Variants in THADA observed in about 807,000 individuals in gnomAD.
The protein encoded by THADA is THADA armadillo repeat containing.
A neutral mutation model predicts 219.8 loss-of-function variants in THADA; 213 were observed. That is an observed-to-expected ratio of 0.97 (90% CI 0.87 to 1.09). The LOEUF (loss-of-function observed/expected upper bound fraction) is 1.09, where lower values mean the gene tolerates loss of function less well. THADA is among the 50% of genes least tolerant of loss of function. The probability of loss-of-function intolerance (pLI) is 0.00; values close to 1 mark genes in which losing one functional copy is unlikely to be tolerated. For missense variants in THADA, 2,956 were observed against 2,311.3 expected (o/e 1.28, Z -5.72); for synonymous variants, 1,018 against 828.9 (o/e 1.23, Z -3.92).
At chr2:43,485,376 C>T in intron 25 of THADA, 51 bp from the exon 26 acceptor site, 1 of 1,313,044 alleles carries the variant, frequency 7.6e-7, no homozygotes, top group Non-Finnish European at 1.1e-6. Flanking sequence ...TGGCATGAAA[C>T]CAACGTTTAC....
Position 43,351,347 on chromosome 2 carries a change from C to T in THADA, c.4228-7110G>A, listed in dbSNP as rs142206631. ...TGGCCACAAAGAACAATTTCCCATT[C>T]GTAACAACTTACAAATGCTTTCCTG... On this transcript the variant is annotated intron_variant, in intron 29 of 37. Coordinates refer to ENST00000405975, the MANE Select transcript of THADA (RefSeq NM_022065.5). Among the ~76,000 whole-genome samples, 7 of 152,244 alleles carry T rather than the reference C, an allele frequency of 4.6e-5. No individual in the cohort carries two copies. The South Asian group carries it at 1.0e-3, about 23-fold the overall frequency.
In THADA at chr2:43,232,808, G is replaced by C. The variant is rs755836383; in HGVS notation, c.5371C>G (p.Gln1791Glu). The change falls in exon 37 of 38, where the codon CAG becomes GAG. Residue 1791 changes from glutamine to glutamate, a missense_variant. Coordinates refer to ENST00000405975, the MANE Select transcript of THADA (RefSeq NM_022065.5). Reference sequence around the variant, plus strand: ...AGTCCAGGGGCCAACTGGTCCCACTGCTGGAGCAGATCACACAGGACGGCC... The same window carrying C: ...AGTCCAGGGGCCAACTGGTCCCACTCCTGGAGCAGATCACACAGGACGGCC... ...ALAVLCDLLQ[Q>E]WDQLAPGLPI... The C allele has an allele frequency of 1.9e-6, 3 of 1,613,318 alleles. No homozygotes were observed. In the South Asian group the frequency reaches 3.3e-5, roughly 18 times the overall value.
At chr2:43,373,383 A>G (rs1671021428) in intron 29 of THADA, among the ~76,000 whole-genome samples, 1 of 152,220 alleles carries the variant, frequency 6.6e-6, no homozygotes, top group Non-Finnish European at 1.5e-5. Context: ...TTGGCATCCA[A>G]TAATTTCTAT....
intron 36 of THADA, among the ~76,000 whole-genome samples, chr2:43,255,853 C>T (rs536996850): frequency 6.6e-6 from 1 of 152,278 alleles, no homozygotes; most frequent in South Asian, 2.1e-4. Context: ...TCATTCCCAT[C>T]AAAGGTGAGA....
At chr2:43,365,849 T>TA (rs1170585456) in intron 29 of THADA, among the ~76,000 whole-genome samples, 1 of 152,046 alleles carries the variant, frequency 6.6e-6, no homozygotes, top group African/African-American at 2.4e-5. Context: ...GGGGTAAAAT[T>TA]AAGAGTTTAT....
intron 31 of THADA, among the ~76,000 whole-genome samples, chr2:43,305,082 G>A (rs1335398167): frequency 1.3e-5 from 2 of 152,130 alleles, no homozygotes; most frequent in Non-Finnish European, 2.9e-5. Context: ...TATCTGAAAT[G>A]GTGGATAAAC....
intron 31 of THADA, among the ~76,000 whole-genome samples, chr2:43,295,608 G>A (rs372995850): frequency 6.6e-6 from 1 of 152,096 alleles, no homozygotes; most frequent in Non-Finnish European, 1.5e-5. Context: ...TAAGTGATAC[G>A]CATTTATAGC....
At chr2:43,255,893 C>T (rs1451421343) in intron 36 of THADA, among the ~76,000 whole-genome samples, 2 of 152,194 alleles carry the variant, frequency 1.3e-5, no homozygotes, top group Non-Finnish European at 1.5e-5. Context: ...TGGGCAACTA[C>T]AGCCATTTGA....
chr2:43,307,225 C>T (rs1676966142), intron 31 of THADA, among the ~76,000 whole-genome samples: 1 of 152,208 alleles, frequency 6.6e-6, no homozygotes, highest in South Asian at 2.1e-4. Context: ...TTCTAAGCCC[C>T]AGTACAGAGA....
At position 43,466,369 on chromosome 2, in the gene THADA, G is replaced by C. The variant is rs538921100; in HGVS notation, c.3836+18865C>G. Among the ~76,000 whole-genome samples the C allele has an allele frequency of 2.6e-5, 4 of 152,170 alleles. No homozygotes were observed. In the South Asian group the frequency reaches 8.3e-4, roughly 32 times the overall value. ...TTGCCCCTACAGTTTTCTTCACTTG[G>C]TTAACTTCTACTCATCCTTCAAGCT... On this transcript the variant is annotated intron_variant, in intron 26 of 37. Transcript: ENST00000405975.
chr2:43,567,625 T>G (rs571953422), intron 14 of THADA, among the ~76,000 whole-genome samples: 1 of 152,024 alleles, frequency 6.6e-6, no homozygotes, highest in Non-Finnish European at 1.5e-5. Flanking sequence ...AAACTCCCTC[T>G]GAAAAAAAAC....
intron 17 of THADA, among the ~76,000 whole-genome samples, chr2:43,552,561 C>T (rs1447266488): frequency 6.6e-6 from 1 of 152,144 alleles, no homozygotes; most frequent in Non-Finnish European, 1.5e-5. Flanking sequence ...ACAGCATTCA[C>T]TCTTAGTCCT....
At chr2:43,517,880 A>T (rs973678069) in intron 22 of THADA, among the ~76,000 whole-genome samples, 2 of 152,196 alleles carry the variant, frequency 1.3e-5, no homozygotes, top group Middle Eastern at 3.2e-3. Flanking sequence ...GGACAATCTC[A>T]TTAAACTTTA....
At chr2:43,349,883 A>AGAT (rs1267775421) in intron 29 of THADA, among the ~76,000 whole-genome samples, 2 of 152,098 alleles carry the variant, frequency 1.3e-5, no homozygotes, top group African/African-American at 2.4e-5. Flanking sequence ...TGACCCTATC[A>AGAT]CCTTCAGCCA....
At chr2:43,329,327 C>T (rs561099988) in intron 30 of THADA, among the ~76,000 whole-genome samples, 1 of 152,084 alleles carries the variant, frequency 6.6e-6, no homozygotes, top group African/African-American at 2.4e-5. Flanking sequence ...TTACTTTCTC[C>T]CTAAAAGCAT....
chr2:43,307,319 GT>G, intron 31 of THADA, among the ~76,000 whole-genome samples: 1 of 152,342 alleles, frequency 6.6e-6, no homozygotes. Context: ...GCTGGAATTT[GT>G]GGGGCACAAT....
rs1181680289 is a variant in THADA at position 43,261,216 on chromosome 2, CTTTTTTTTTTTT to C, written c.5296+18537_5296+18548del. Among the ~76,000 whole-genome samples, 26 of 77,160 alleles carry C rather than the reference CTTTTTTTTTTTT, an allele frequency of 3.4e-4. No homozygotes were observed. In the East Asian group the frequency reaches 8.3e-3, roughly 25 times the overall value. 50.6% of individuals were successfully genotyped at this position (77,160 alleles called of 152,430 possible). A position where few individuals can be genotyped will look rare whatever the true frequency, so the allele number is the denominator to read the frequency against. ...TTGCCTGAAATAAATTTGTGCATTT[CTTTTTTTTTTTT>C]TTTTTTTTTTTTTGAGAAGAGGTCT... On this transcript the variant is annotated intron_variant, in intron 36 of 37. Transcript: ENST00000405975.
chr2:43,536,767 C>G (rs1261655329), intron 21 of THADA, among the ~76,000 whole-genome samples: 3 of 151,924 alleles, frequency 2.0e-5, no homozygotes, highest in African/African-American at 4.8e-5. Flanking sequence ...AAGGTAAATT[C>G]TGAAATGTAC....
chr2:43,498,627 A>AT (rs1002648632), intron 25 of THADA, among the ~76,000 whole-genome samples: 15 of 152,192 alleles, frequency 9.9e-5, no homozygotes, highest in Non-Finnish European at 2.1e-4. Flanking sequence ...TAAAAAAAAA[A>AT]GAAAGATGGC....
Sources: allele counts gnomAD v4.1 joint callset (sites outside exome capture counted in the v4.1 genomes callset), GRCh38; gene constraint gnomAD v4.1.1; transcripts MANE v1.5; gene names NCBI Gene and HGNC (gene_info 2026-07-23, HGNC 2026-07-21).